ARHGEF12: variants seen among roughly 807,000 people sequenced by gnomAD.
The protein encoded by ARHGEF12 is KMT2A/ARHGEF12 fusion protein.
Under a neutral mutation model 211.2 loss-of-function variants are expected in ARHGEF12, and 66 were observed. The observed-to-expected ratio is 0.31, with a 90% CI of 0.26 to 0.38. ARHGEF12 has a LOEUF of 0.38. ARHGEF12 is among the 10% of genes least tolerant of loss of function. ARHGEF12 has a pLI of 1.00. For synonymous variants in ARHGEF12, 592 were observed against 638.4 expected, an observed-to-expected ratio of 0.93 and a Z score of 1.09; for missense variants, 1,429 against 1,869.5, an observed-to-expected ratio of 0.76 and a Z score of 4.34.
chr11:120,379,535 A>G (rs572237609), intron 1 of ARHGEF12, among the ~76,000 whole-genome samples: 1 of 151,148 alleles, frequency 6.6e-6, no homozygotes, highest in Admixed American at 6.6e-5. Context: ...TTTTTTCCAT[A>G]CTCTATCAGT....
intron 1 of ARHGEF12, chr11:120,337,487 C>T (rs1322121538): frequency 1.0e-6 from 1 of 985,274 alleles, no homozygotes; most frequent in Non-Finnish European, 1.2e-6. Context: ...AACTTCCCTT[C>T]CGATTCTCAG....
chr11:120,356,535 C>T (rs931400662), intron 1 of ARHGEF12, among the ~76,000 whole-genome samples: 1 of 152,130 alleles, frequency 6.6e-6, no homozygotes, highest in Admixed American at 6.5e-5. Flanking sequence ...TATCTTTTTG[C>T]ATGTACACTT....
chr11:120,440,078 A>G, intron 12 of ARHGEF12, 51 bp from the exon 13 acceptor site: 1 of 1,331,912 alleles, frequency 7.5e-7, no homozygotes. Context: ...TTCTTTTTCT[A>G]AATTTGACCA....
chr11:120,450,991 G>C (rs1164094349), intron 21 of ARHGEF12: 2 of 151,512 alleles, frequency 1.3e-5, no homozygotes, highest in African/African-American at 4.9e-5. Flanking sequence ...TCATCTTTCT[G>C]CTCTACCTTC....
At chr11:120,387,391 A>G (rs578201143) in intron 1 of ARHGEF12, among the ~76,000 whole-genome samples, 11 of 152,064 alleles carry the variant, frequency 7.2e-5, no homozygotes, top group Non-Finnish European at 1.6e-4. Context: ...GCCTGGCTAC[A>G]TAGTATGCAG....
intron 1 of ARHGEF12, among the ~76,000 whole-genome samples, chr11:120,370,478 T>G (rs1943558868): frequency 6.6e-6 from 1 of 152,220 alleles, no homozygotes; most frequent in Non-Finnish European, 1.5e-5. Flanking sequence ...CATATGAATT[T>G]TGGGATCAGC....
chr11:120,395,768 C>A (rs12361642), intron 1 of ARHGEF12, among the ~76,000 whole-genome samples: 16 of 151,976 alleles, frequency 1.1e-4, no homozygotes, highest in African/African-American at 3.6e-4. Flanking sequence ...AGACCCCCCC[C>A]CTTCATGATT....
intron 18 of ARHGEF12, 102 bp from the exon 19 acceptor site, chr11:120,447,772 T>C (rs1946085081): frequency 1.3e-6 from 1 of 750,630 alleles, no homozygotes; most frequent in African/African-American, 1.8e-5. Flanking sequence ...GCCAGGATCA[T>C]GCCATTGCAC....
At chr11:120,449,059 A>C in intron 20 of ARHGEF12, 50 bp from the exon 21 acceptor site, 1 of 1,528,862 alleles carries the variant, frequency 6.5e-7, no homozygotes, top group East Asian at 2.3e-5. Flanking sequence ...AAAATCGCAA[A>C]AGAAATTTAC....
chr11:120,446,232 A>G (rs1565487692), intron 16 of ARHGEF12, among the ~76,000 whole-genome samples, 171 bp from the exon 17 acceptor site: 1 of 142,144 alleles, frequency 7.0e-6, no homozygotes, highest in Non-Finnish European at 1.6e-5. Context: ...TAATAATAAT[A>G]ATAATAGAGT....
rs765625930 is a variant in ARHGEF12 at position 120,451,635 on chromosome 11, C to T, written c.1967C>T (p.Thr656Ile). The stretch of plus-strand genomic sequence containing the variant: ...CAGAGTGGGTTAGCAAATGAAGGAA[C>T]AGACGCTGGATACCTGCCTGCCAAT... ...LRQSGLANEG[T>I]DAGYLPANSM... Residue 656 changes from threonine to isoleucine, a missense_variant, in exon 22 of 41, where the codon ACA becomes ATA. Around this residue, in one of 7 missense-constraint regions of ARHGEF12, gnomAD observed 373 missense variants for 467.5 expected, o/e 0.80. Transcript: ENST00000397843. 1 of 1,614,130 alleles carries T rather than the reference C, an allele frequency of 6.2e-7. No homozygotes were observed. Among genetic ancestry groups the T allele is most frequent in the Non-Finnish European group, 8.5e-7 (1 of 1,180,016 alleles).
intron 1 of ARHGEF12, among the ~76,000 whole-genome samples, chr11:120,369,946 A>G (rs1001199185): frequency 6.6e-6 from 1 of 152,152 alleles, no homozygotes; most frequent in Non-Finnish European, 1.5e-5. Flanking sequence ...TTCCAGAAGT[A>G]AACATCATAG....
At chr11:120,478,452 A>C in intron 37 of ARHGEF12, 63 bp downstream of exon 37, 1 of 1,404,154 alleles carries the variant, frequency 7.1e-7, no homozygotes, top group Middle Eastern at 1.8e-4. Flanking sequence ...TGCCATCCCT[A>C]AAGTATGTGG....
chr11:120,476,627 T>C lies in ARHGEF12; in HGVS notation c.3278-34T>C, dbSNP rs1466079588. The C allele has an allele frequency of 4.5e-6, 7 of 1,557,498 alleles. No homozygotes were observed. The East Asian group carries it at 1.1e-4, about 25-fold the overall frequency. On this transcript the variant is annotated intron_variant, in intron 33 of 40. Transcript: ENST00000397843. ...CATCCCTCATGGCCTCCCCAGGTCA[T>C]AGTATTAGAGTAATCTTGTATTGTT...
rs1361792528 is a variant in ARHGEF12, at chr11:120,486,371, G to T, written c.*1294G>T. 8.6e-6 allele frequency: 2 copies of T among 232,838 alleles called. No individual in the cohort carries two copies. The highest frequency in any genetic ancestry group is 1.7e-5 in the Non-Finnish European group (2 of 117,610). The allele number at this position is 232,838 out of a possible 1,614,324, so 14.4% of individuals were successfully genotyped here. On this transcript the variant is annotated 3_prime_UTR_variant, in exon 41 of 41. Transcript: ENST00000397843. ...ACTGCCGCAGCTCTTTCCACACGGG[G>T]CCGTGATTGACCCTAAAAATTGCAG...
At chr11:120,480,554 A>G (rs1947204198) in intron 38 of ARHGEF12, 124 bp downstream of exon 38, 5 of 929,808 alleles carry the variant, frequency 5.4e-6, no homozygotes, top group Non-Finnish European at 7.9e-6. Flanking sequence ...CACATGTGCA[A>G]TATTTATTCC....
At chr11:120,403,644 C>A (rs4938806) in intron 1 of ARHGEF12, among the ~76,000 whole-genome samples, 61,877 of 151,928 alleles carry the variant, frequency 0.41, 12,899 homozygotes, top group African/African-American at 0.48. Context: ...TAGAAAAATA[C>A]ACACACACAC....
intron 4 of ARHGEF12, among the ~76,000 whole-genome samples, chr11:120,412,262 G>A (rs1944907736): frequency 6.6e-6 from 1 of 152,224 alleles, no homozygotes; most frequent in South Asian, 2.1e-4. Context: ...CGCTGTCATG[G>A]TGTCTGAACA....
At chr11:120,452,728 G>T (rs981554036) in intron 22 of ARHGEF12, among the ~76,000 whole-genome samples, 1 of 152,204 alleles carries the variant, frequency 6.6e-6, no homozygotes, top group Non-Finnish European at 1.5e-5. Flanking sequence ...GGGTGCAGTG[G>T]CTCATGCCTG....
Sources: allele counts gnomAD v4.1 joint callset (sites outside exome capture counted in the v4.1 genomes callset), GRCh38; gene constraint gnomAD v4.1.1; regional missense constraint gnomAD v4.1.1; transcripts MANE v1.5; gene names NCBI Gene and HGNC (gene_info 2026-07-23, HGNC 2026-07-21).